Variants in NFATC1 observed in about 807,000 individuals in gnomAD.
NFATC1 encodes the protein nuclear factor of activated T-cells, cytoplasmic 1.
In NFATC1, 22 loss-of-function variants were observed where a neutral mutation model predicts 76.0. The ratio of observed to expected loss-of-function variants is 0.29; its 90% CI spans 0.21 to 0.41. NFATC1 has a LOEUF of 0.41. Among genes scored for constraint, NFATC1 ranks in the 10% least tolerant of loss-of-function variants. NFATC1 has a pLI of 1.00. For synonymous variants in NFATC1, 704 were observed against 613.1 expected, an observed-to-expected ratio of 1.15 and a Z score of -2.19; for missense variants, 1,357 against 1,337.7, an observed-to-expected ratio of 1.01 and a Z score of -0.23.
intron 6 of NFATC1, among the ~76,000 whole-genome samples, chr18:79,455,448 G>A (rs1482855675): frequency 6.6e-6 from 1 of 152,170 alleles, no homozygotes; most frequent in African/African-American, 2.4e-5. Context: ...TGGGGAGGCA[G>A]CCTGGCATCT....
intron 1 of NFATC1, among the ~76,000 whole-genome samples, chr18:79,405,414 G>A (rs1191300726): frequency 3.9e-5 from 6 of 152,354 alleles, no homozygotes; most frequent in Admixed American, 1.3e-4. Context: ...CCTCAGAATC[G>A]TCAAGAAAGT....
chr18:79,493,278 G>C (rs1299956375), intron 9 of NFATC1: 2 of 152,282 alleles, frequency 1.3e-5, no homozygotes, highest in Admixed American at 6.5e-5. Flanking sequence ...CGTGCCACGC[G>C]CTCGCGCGCT....
At chr18:79,416,524 T>A (rs2085880906) in intron 2 of NFATC1, among the ~76,000 whole-genome samples, 2 of 152,164 alleles carry the variant, frequency 1.3e-5, no homozygotes, top group South Asian at 4.1e-4. Flanking sequence ...ACATAGTCTC[T>A]AAGGCGTTGT....
rs746294561 is a variant in NFATC1, at chr18:79,410,997, C to T, written c.722C>T (p.Ser241Leu). Residue 241 changes from serine (S) to leucine (L), a missense_variant, in exon 2 of 10, where the codon TCG (serine) becomes TTG (leucine). Around this residue, in one of 3 missense-constraint regions of NFATC1, gnomAD observed 691 missense variants for 613.1 expected, o/e 1.13. Transcript: ENST00000427363. The surrounding 1 kb of genome is among the most constrained non-coding windows in gnomAD (Gnocchi z 6.7). The stretch of plus-strand genomic sequence containing the variant: ...TCCCCGCGGCACTCCCCCTCCACCT[C>T]GCCCCGCGCCAGCGTCACTGAGGAG... Reference protein sequence around the residue: ...LGSPRHSPSTSPRASVTEESW... With the variant: ...LGSPRHSPSTLPRASVTEESW... The T allele has an allele frequency of 2.5e-6, 4 of 1,608,694 alleles. No homozygotes were observed. The highest frequency in any genetic ancestry group is 1.1e-5 in the South Asian group (1 of 90,616).
chr18:79,522,082 G>A (rs2090612723), intron 9 of NFATC1, among the ~76,000 whole-genome samples: 1 of 86,526 alleles, frequency 1.2e-5, no homozygotes, highest in Non-Finnish European at 2.3e-5. Context: ...TGTGTCTGTT[G>A]GGGGGGGCCG....
chr18:79,416,867 A>G (rs1172449403), intron 2 of NFATC1, among the ~76,000 whole-genome samples: 1 of 152,186 alleles, frequency 6.6e-6, no homozygotes, highest in African/African-American at 2.4e-5. Context: ...TTCTGGAGCT[A>G]GACAAGCCTC....
chr18:79,506,635 G>A (rs1218741647), intron 9 of NFATC1, among the ~76,000 whole-genome samples: 2 of 152,222 alleles, frequency 1.3e-5, no homozygotes, highest in African/African-American at 2.4e-5. Context: ...GTTAGGAGGA[G>A]TCTAGCTCTA....
chr18:79,451,831 AG>A lies in NFATC1; in HGVS notation c.1903+19del. On this transcript the variant is annotated intron_variant, in intron 6 of 9. Coordinates refer to ENST00000427363, the MANE Select transcript of NFATC1 (RefSeq NM_001278669.2). ...GAAAGCCCCAGGTATGCTCTTCACC[AG>A]GGGCCATCTGCGGCCTGGGCTTCGG... The A allele has an allele frequency of 6.3e-7, 1 of 1,594,618 alleles. No homozygotes were observed. Among genetic ancestry groups the A allele is most frequent in the Non-Finnish European group, 8.6e-7 (1 of 1,168,890 alleles).
At chr18:79,458,305 G>A (rs532690589) in intron 6 of NFATC1, among the ~76,000 whole-genome samples, 4 of 150,502 alleles carry the variant, frequency 2.7e-5, no homozygotes, top group South Asian at 4.2e-4. Context: ...CGAGGACGCC[G>A]CGGGGAGCAG....
intron 3 of NFATC1, among the ~76,000 whole-genome samples, chr18:79,447,970 G>A (rs544027883): frequency 6.6e-6 from 1 of 152,354 alleles, no homozygotes; most frequent in East Asian, 1.9e-4. Flanking sequence ...TGTGTGCCCT[G>A]CCGTGAGGCG....
chr18:79,509,220 C>A (rs891810925), intron 9 of NFATC1, among the ~76,000 whole-genome samples: 4 of 152,222 alleles, frequency 2.6e-5, no homozygotes, highest in African/African-American at 9.6e-5. Flanking sequence ...TTCCTGTTCC[C>A]CTTTTCTGCA....
At chr18:79,516,499 A>T (rs2090387635) in intron 9 of NFATC1, among the ~76,000 whole-genome samples, 1 of 152,264 alleles carries the variant, frequency 6.6e-6, no homozygotes, top group Non-Finnish European at 1.5e-5. Context: ...TGGCTCCTCG[A>T]CTGTGGAGTG....
chr18:79,411,872 C>G (rs1414821593), intron 2 of NFATC1, among the ~76,000 whole-genome samples: 3 of 152,248 alleles, frequency 2.0e-5, no homozygotes, highest in Non-Finnish European at 4.4e-5. Context: ...AGACGCCATC[C>G]GCCCCTAAGG....
intron 9 of NFATC1, among the ~76,000 whole-genome samples, chr18:79,519,601 AG>A (rs1461102719): frequency 5.9e-5 from 9 of 152,190 alleles, no homozygotes; most frequent in Admixed American, 5.9e-4. Context: ...GGCTTCCCAA[AG>A]TGCTGGGATT....
At chr18:79,444,067 G>C (rs144577811) in intron 3 of NFATC1, among the ~76,000 whole-genome samples, 9 of 152,336 alleles carry the variant, frequency 5.9e-5, no homozygotes, top group African/African-American at 1.9e-4. Flanking sequence ...CTCTGGGTCT[G>C]TCAGGAGGCT....
At chr18:79,477,764 C>G (rs984482721) in intron 8 of NFATC1, among the ~76,000 whole-genome samples, 3 of 152,170 alleles carry the variant, frequency 2.0e-5, no homozygotes, top group African/African-American at 7.2e-5. Context: ...GCTGGAAGTC[C>G]GAGGTTGGGA....
At chr18:79,477,105 T>A (rs1370341677) in intron 8 of NFATC1, among the ~76,000 whole-genome samples, 2 of 152,238 alleles carry the variant, frequency 1.3e-5, no homozygotes, top group African/African-American at 4.8e-5. Flanking sequence ...ATGATGCCTC[T>A]CAGCCTCGAG....
At chr18:79,467,245 A>G (rs978541391) in intron 7 of NFATC1, among the ~76,000 whole-genome samples, 2 of 150,118 alleles carry the variant, frequency 1.3e-5, no homozygotes, top group Admixed American at 6.6e-5. Flanking sequence ...CTGCTTCTGG[A>G]CCGCCCAGGT....
chr18:79,523,361 G>A (rs2090665519), intron 9 of NFATC1, among the ~76,000 whole-genome samples: 1 of 152,252 alleles, frequency 6.6e-6, no homozygotes, highest in Non-Finnish European at 1.5e-5. Flanking sequence ...ACTCCTGCGT[G>A]AAACTTAAGA....
Sources: gnomAD v4.1 joint callset for allele counts (sites outside exome capture counted in the v4.1 genomes callset) on GRCh38, gnomAD v4.1.1 for gene constraint, gnomAD v4.1.1 regional missense constraint, Gnocchi (gnomAD v3.1) non-coding constraint, MANE v1.5 for transcripts, NCBI Gene and HGNC (gene_info 2026-07-23, HGNC 2026-07-21) for gene names.